The following SMCHD1 variants were observed in gnomAD, a reference collection of about 807,000 sequenced individuals.
SMCHD1 encodes the protein structural maintenance of chromosomes flexible hinge domain containing 1.
SMCHD1 carries 78 observed loss-of-function variants against 254.7 expected under a neutral mutation model. The observed-to-expected ratio is 0.31, with a 90% CI of 0.26 to 0.37. SMCHD1 has a LOEUF of 0.37. Ranked by LOEUF, SMCHD1 falls within the 10% of genes least tolerant of loss-of-function variation. SMCHD1 has a pLI of 1.00. For missense variants in SMCHD1, 1,840 were observed against 2,408.1 expected (o/e 0.76, Z 4.94); for synonymous variants, 766 against 794.9 (o/e 0.96, Z 0.61).
chr18:2,773,161 C>G (rs956341207), intron 41 of SMCHD1, among the ~76,000 whole-genome samples: 10 of 152,040 alleles, frequency 6.6e-5, no homozygotes, highest in Admixed American at 2.0e-4. Flanking sequence ...AACCGTGTTA[C>G]GTTATTACCC....
intron 17 of SMCHD1, among the ~76,000 whole-genome samples, chr18:2,711,253 AC>A (rs1271974276): frequency 2.8e-5 from 4 of 145,066 alleles, no homozygotes; most frequent in Non-Finnish European, 4.5e-5. Context: ...GCCCTGAGCC[AC>A]CATGGCTCCC....
intron 17 of SMCHD1, among the ~76,000 whole-genome samples, chr18:2,715,141 T>C (rs2074769000): frequency 1.3e-5 from 2 of 152,128 alleles, no homozygotes; most frequent in Admixed American, 1.3e-4. Context: ...TTTGGATGTG[T>C]AGATCTCTTG....
At chr18:2,704,054 A>G (rs1435546515) in intron 13 of SMCHD1, among the ~76,000 whole-genome samples, 168 bp downstream of exon 13, 1 of 152,160 alleles carries the variant, frequency 6.6e-6, no homozygotes. Flanking sequence ...CCTGTTTGAC[A>G]TCAGTGTCTT....
At chr18:2,761,920 C>G (rs2075792662) in intron 35 of SMCHD1, among the ~76,000 whole-genome samples, 185 bp from the exon 36 acceptor site, 1 of 152,174 alleles carries the variant, frequency 6.6e-6, no homozygotes, top group African/African-American at 2.4e-5. Context: ...AAAAATTAAC[C>G]TGACCTAACT....
Position 2,706,384 on chromosome 18 carries a change from TG to T in SMCHD1, c.1978del (p.Glu660LysfsTer2). On this transcript the variant is annotated frameshift_variant, in exon 15 of 48. Transcript: ENST00000320876. LOFTEE classifies it high-confidence loss of function. The stretch of plus-strand genomic sequence containing the variant: ...TTCAGGAACCTCAGGCACTATATGA[TG>T]AAGTAAGAACTGTGCCAATTGCAAA... ...IAMEPQALYDEVRTVPIAKLD... is the reference protein window; with the variant it reads ...IAMEPQALYDXVRTVPIAKLD... The T allele has an allele frequency of 6.3e-7, 1 of 1,583,748 alleles. No homozygotes were observed.
At chr18:2,693,244 G>A (rs905855032) in intron 7 of SMCHD1, among the ~76,000 whole-genome samples, 3 of 152,082 alleles carry the variant, frequency 2.0e-5, no homozygotes, top group Non-Finnish European at 4.4e-5. Context: ...AATGTATATA[G>A]CAACATACAC....
At chr18:2,794,146 C>G (rs2076219362) in intron 45 of SMCHD1, among the ~76,000 whole-genome samples, 2 of 152,076 alleles carry the variant, frequency 1.3e-5, no homozygotes, top group Admixed American at 1.3e-4. Context: ...ATTTATATAA[C>G]TATTTAAAAT....
intron 17 of SMCHD1, among the ~76,000 whole-genome samples, chr18:2,708,856 T>C (rs2074582942): frequency 1.5e-5 from 1 of 67,026 alleles, no homozygotes; most frequent in South Asian, 6.7e-4. Flanking sequence ...TGCTTCTATT[T>C]TCAATAACTT....
chr18:2,778,374 G>C (rs2143786230), intron 44 of SMCHD1, 135 bp downstream of exon 44: 1 of 598,366 alleles, frequency 1.7e-6, no homozygotes, highest in Non-Finnish European at 2.8e-6. Flanking sequence ...CAACATAAAA[G>C]TAGGCAAAAC....
At chr18:2,739,319 A>C (rs1482345042) in intron 26 of SMCHD1, 113 bp from the exon 27 acceptor site, 9 of 726,350 alleles carry the variant, frequency 1.2e-5, no homozygotes, top group Non-Finnish European at 2.2e-5. Flanking sequence ...AAGGAGTGTT[A>C]TTGTATTTGA....
chr18:2,708,918 CAT>C (rs2053002666), intron 17 of SMCHD1, among the ~76,000 whole-genome samples: 1 of 52,302 alleles, frequency 1.9e-5, no homozygotes, highest in Admixed American at 2.2e-4. Flanking sequence ...AACATATTAA[CAT>C]GAAATTTATG....
chr18:2,657,405 G>T (rs2073101833), intron 1 of SMCHD1, among the ~76,000 whole-genome samples: 1 of 152,174 alleles, frequency 6.6e-6, no homozygotes, highest in Non-Finnish European at 1.5e-5. Flanking sequence ...GTAGATTCCC[G>T]TTGTGTTTGA....
chr18:2,803,210 A>ATG lies in SMCHD1; in HGVS notation c.*659_*660insGT, dbSNP rs2076394538. The ATG allele has an allele frequency of 6.8e-6, 1 of 146,996 alleles. No individual in the cohort carries two copies. The highest frequency in any genetic ancestry group is 2.5e-5 in the African/African-American group (1 of 40,600). 9.1% of individuals were successfully genotyped at this position (146,996 alleles called of 1,614,324 possible). On this transcript the variant is annotated 3_prime_UTR_variant, in exon 48 of 48. Coordinates refer to ENST00000320876, the MANE Select transcript of SMCHD1 (RefSeq NM_015295.3). Reference sequence around the variant, plus strand: ...TGTGTGTGTGTGTGTATATATATATATATATATAAATATATATATATAAAA... The same window carrying ATG: ...TGTGTGTGTGTGTGTATATATATATATGTATATATAAATATATATATATAAAA...
intron 12 of SMCHD1, chr18:2,702,280 A>G (rs2074416518): frequency 1.0e-5 from 1 of 99,588 alleles, no homozygotes; most frequent in Non-Finnish European, 2.3e-5. Context: ...ACAGTGAGAC[A>G]CCTTCTGTAT....
chr18:2,762,297 G>A lies in SMCHD1; in HGVS notation c.4566+61G>A, dbSNP rs868139720. 45 of 1,548,078 alleles carry A rather than the reference G, an allele frequency of 2.9e-5. 1 individual carries two copies. In the South Asian group the frequency reaches 4.8e-4, roughly 17 times the overall value. ...ACAAGAAAAATTATCTTTGATTTTAGGGTACAAAATTATTTGTATGGATTC... is the reference window on the plus strand; with the variant it reads ...ACAAGAAAAATTATCTTTGATTTTAAGGTACAAAATTATTTGTATGGATTC... On this transcript the variant is annotated intron_variant, in intron 36 of 47. Coordinates refer to ENST00000320876, the MANE Select transcript of SMCHD1 (RefSeq NM_015295.3).
intron 44 of SMCHD1, chr18:2,778,879 C>T (rs978569107): frequency 1.3e-5 from 2 of 152,220 alleles, no homozygotes; most frequent in African/African-American, 4.8e-5. Flanking sequence ...AAGACCCTAT[C>T]TCCAAATAAT....
At chr18:2,712,781 A>C (rs563318202) in intron 17 of SMCHD1, among the ~76,000 whole-genome samples, 36 of 152,252 alleles carry the variant, frequency 2.4e-4, no homozygotes, top group African/African-American at 7.7e-4. Flanking sequence ...TTTACGCCAA[A>C]GTGATTTTTT....
At chr18:2,745,557 T>G (rs1240683811) in intron 29 of SMCHD1, among the ~76,000 whole-genome samples, 3 of 152,214 alleles carry the variant, frequency 2.0e-5, no homozygotes, top group Non-Finnish European at 4.4e-5. Context: ...CCAGTGCATT[T>G]TTTTTTCTGG....
chr18:2,795,966 C>T lies in SMCHD1; in HGVS notation c.5737C>T (p.Arg1913Cys), dbSNP rs764493125. The stretch of plus-strand genomic sequence containing the variant: ...CTTTACAGATCTTCTTCAGCAGTAT[C>T]GTTCTGCTGTGTGCAAACTAGACAG... The part of the protein sequence containing the change: ...GEQIDLLQQY[R>C]SAVCKLDSVN... The change falls in exon 46 of 48, where the codon CGT becomes TGT. Residue 1913 changes from arginine (R) to cysteine (C), a missense_variant. Around this residue, in one of 9 missense-constraint regions of SMCHD1, gnomAD observed 132 missense variants for 138.2 expected, o/e 0.95. Transcript: ENST00000320876. 4.5e-5 allele frequency: 72 copies of T among 1,590,840 alleles called. No individual in the cohort carries two copies. The highest frequency in any genetic ancestry group is 6.2e-5 in the Non-Finnish European group (72 of 1,168,556).
Sources: gnomAD v4.1 joint callset for allele counts (sites outside exome capture counted in the v4.1 genomes callset) on GRCh38, gnomAD v4.1.1 for gene constraint, gnomAD v4.1.1 regional missense constraint, MANE v1.5 for transcripts, NCBI Gene and HGNC (gene_info 2026-07-23, HGNC 2026-07-21) for gene names.